The following PIGF variants were observed in gnomAD, a reference collection of about 807,000 sequenced individuals.
PIGF encodes the protein phosphatidylinositol glycan anchor biosynthesis class F, also known as GPI ethanolamine phosphate transferase, stabilizing subunit.
PIGF carries 23 observed loss-of-function variants against 26.0 expected under a neutral mutation model. The observed-to-expected ratio is 0.88, with a 90% confidence interval of 0.64 to 1.25. The LOEUF (loss-of-function observed/expected upper bound fraction) is 1.25. Ranked by LOEUF, PIGF falls within the 50% of genes most tolerant of loss-of-function variation. The pLI is 0.00. For missense variants in PIGF, 278 were observed against 249.9 expected, an observed-to-expected ratio of 1.11 and a Z score of -0.76; for synonymous variants, 93 against 92.6, an observed-to-expected ratio of 1.00 and a Z score of -0.03.
At chr2:46,601,097 T>C (rs916506465) in intron 4 of PIGF, among the ~76,000 whole-genome samples, 3 of 152,076 alleles carry the variant, frequency 2.0e-5, no homozygotes, top group Non-Finnish European at 4.4e-5. Flanking sequence ...GTAAATTCCT[T>C]TCTATTAACT....
At chr2:46,608,031 G>A (rs1269296384) in intron 4 of PIGF, among the ~76,000 whole-genome samples, 1 of 152,150 alleles carries the variant, frequency 6.6e-6, no homozygotes, top group Admixed American at 6.5e-5. Context: ...TAACCATGAA[G>A]TTGGTTGCAT....
Position 46,592,459 on chromosome 2 carries a change from A to G in PIGF, c.546+16T>C, listed in dbSNP as rs1669749920. 1 of 1,257,158 alleles carries G rather than the reference A, an allele frequency of 8.0e-7. No homozygotes were observed. The highest frequency in any genetic ancestry group is 1.5e-5 in the African/African-American group (1 of 68,166). 77.9% of individuals were successfully genotyped at this position (1,257,158 alleles called of 1,614,324 possible). On this transcript the variant is annotated intron_variant, in intron 5 of 5. Transcript: ENST00000281382. Reference sequence around the variant, plus strand: ...TACAAACATTTATTTTGTTGCTTTAAGTAACTGAAACCAACCTGCCATGGT... The same window carrying G: ...TACAAACATTTATTTTGTTGCTTTAGGTAACTGAAACCAACCTGCCATGGT...
rs1272566947 is a variant in PIGF at position 46,588,854 on chromosome 2, C to T, written c.546+3621G>A. On this transcript the variant is annotated intron_variant, in intron 5 of 5. Coordinates refer to ENST00000281382, the MANE Select transcript of PIGF (RefSeq NM_002643.4). The surrounding 1 kb of genome is among the most constrained non-coding windows in gnomAD (Gnocchi z 4.1). Reference sequence around the variant, plus strand: ...TGTATTTAAGTATCTGTTGTACTTACTTACACAGAACATATGCTATGCATA... The same window carrying T: ...TGTATTTAAGTATCTGTTGTACTTATTTACACAGAACATATGCTATGCATA... Among the ~76,000 whole-genome samples, 1 of 152,114 alleles carries T rather than the reference C, an allele frequency of 6.6e-6. No individual in the cohort carries two copies. Among genetic ancestry groups the T allele is most frequent in the Non-Finnish European group, 1.5e-5 (1 of 67,980 alleles).
chr2:46,615,124 A>C lies in PIGF; in HGVS notation c.41T>G (p.Leu14Arg). The change falls in exon 2 of 6, where the codon CTT becomes CGT. Residue 14 changes from leucine to arginine, a missense_variant. Transcript: ENST00000281382. ...NDIKRLLYTH[L>R]LCIFSIILSV... is the part of the protein sequence containing the mutation. Reference sequence around the variant, plus strand: ...TAGGATAATTGAAAATATGCATAAAAGATGGGTATACAGTAGTCTCTTGAT... The same window carrying C: ...TAGGATAATTGAAAATATGCATAAACGATGGGTATACAGTAGTCTCTTGAT... 1.3e-6 allele frequency: 2 copies of C among 1,573,120 alleles called. No homozygotes were observed. Among genetic ancestry groups the C allele is most frequent in the Non-Finnish European group, 1.8e-6 (2 of 1,142,664 alleles).
At chr2:46,609,852 T>C (rs1020763617) in intron 4 of PIGF, among the ~76,000 whole-genome samples, 3 of 152,066 alleles carry the variant, frequency 2.0e-5, no homozygotes, top group Non-Finnish European at 4.4e-5. Context: ...AGACCACAGA[T>C]CACCATAATA....
intron 3 of PIGF, 75 bp downstream of exon 3, chr2:46,613,619 T>C (rs1291310607): frequency 1.6e-5 from 17 of 1,068,682 alleles, no homozygotes; most frequent in Admixed American, 3.3e-5. Context: ...TTTTCTCTAG[T>C]TGCTAAGAAT....
chr2:46,616,840 GAA>G (rs1397619081), intron 1 of PIGF, 128 bp downstream of exon 1: 1 of 285,458 alleles, frequency 3.5e-6, no homozygotes, highest in Non-Finnish European at 6.8e-6. Flanking sequence ...GGGCACGCCG[GAA>G]GAGTGGCGCT....
At chr2:46,614,828 C>T in intron 2 of PIGF, 109 bp downstream of exon 2, 1 of 613,738 alleles carries the variant, frequency 1.6e-6, no homozygotes, top group Non-Finnish European at 2.9e-6. Flanking sequence ...TATCAGGTTC[C>T]CTTTGCTCAC....
intron 4 of PIGF, among the ~76,000 whole-genome samples, chr2:46,604,394 T>C (rs1210576724): frequency 6.6e-6 from 1 of 151,886 alleles, no homozygotes; most frequent in Admixed American, 6.6e-5. Flanking sequence ...ATTGAAGAGA[T>C]AGCTGGACTC....
At chr2:46,611,482 CAAA>C (rs71397012) in intron 4 of PIGF, among the ~76,000 whole-genome samples, 3 of 125,576 alleles carry the variant, frequency 2.4e-5, no homozygotes, top group African/African-American at 3.0e-5. Context: ...GGTTCCATCT[CAAA>C]AAAAAAAAAA....
chr2:46,609,108 T>C (rs79303659), intron 4 of PIGF, among the ~76,000 whole-genome samples: 2,191 of 152,350 alleles, frequency 0.014, 30 homozygotes, highest in Non-Finnish European at 0.022. Context: ...ATCTGTTATT[T>C]AGCCACCTTC....
At chr2:46,604,326 C>T in intron 4 of PIGF, among the ~76,000 whole-genome samples, 1 of 151,920 alleles carries the variant, frequency 6.6e-6, no homozygotes. Context: ...AACAGATCTA[C>T]CATATGATCC....
At position 46,614,964 on chromosome 2, in the gene PIGF, G is replaced by A. The variant is rs1295653188; in HGVS notation, c.201C>T (p.Ser67=). The change falls in exon 2 of 6, where the codon TCC becomes TCT. Residue 67 remains serine (S), a synonymous_variant. Coordinates refer to ENST00000281382, the MANE Select transcript of PIGF (RefSeq NM_002643.4). Reference sequence around the variant, plus strand: ...TGTGTGATAATGAACTTCTTTTAGAGGATGTATTTGGTTTCACTACTAAAT... The same window carrying A: ...TGTGTGATAATGAACTTCTTTTAGAAGATGTATTTGGTTTCACTACTAAAT... ...VLYLVVKPNT[S]SKRSSLSHKV... The A allele has an allele frequency of 1.9e-6, 3 of 1,567,606 alleles. No individual in the cohort carries two copies. Among genetic ancestry groups the A allele is most frequent in the African/African-American group, 1.3e-5 (1 of 74,092 alleles).
chr2:46,611,760 G>GT (rs1236881179), intron 4 of PIGF, among the ~76,000 whole-genome samples: 3 of 152,000 alleles, frequency 2.0e-5, no homozygotes, highest in Non-Finnish European at 4.4e-5. Context: ...TTGAGCTCTG[G>GT]TATCTTATCA....
At chr2:46,592,932 T>C (rs1277384069) in intron 4 of PIGF, among the ~76,000 whole-genome samples, 3 of 152,236 alleles carry the variant, frequency 2.0e-5, no homozygotes, top group Non-Finnish European at 4.4e-5. Context: ...AGAAATATTT[T>C]ATACAGGCAC....
At chr2:46,606,366 T>C (rs754830664) in intron 4 of PIGF, among the ~76,000 whole-genome samples, 1 of 152,190 alleles carries the variant, frequency 6.6e-6, no homozygotes, top group Non-Finnish European at 1.5e-5. Context: ...CCTGTACACA[T>C]TTTTTCACCT....
intron 3 of PIGF, among the ~76,000 whole-genome samples, chr2:46,612,850 A>G (rs1465493959): frequency 1.3e-5 from 2 of 152,164 alleles, no homozygotes; most frequent in South Asian, 2.1e-4. Flanking sequence ...AAGCTTGAGT[A>G]TTTGCATTTT....
intron 4 of PIGF, among the ~76,000 whole-genome samples, chr2:46,607,828 G>A (rs775302635): frequency 2.2e-4 from 34 of 152,188 alleles, no homozygotes; most frequent in Admixed American, 7.8e-4. Context: ...CCAAGTAGCT[G>A]GGATTACAGG....
chr2:46,603,182 CTA>C (rs1558706706), intron 4 of PIGF, among the ~76,000 whole-genome samples: 1 of 151,730 alleles, frequency 6.6e-6, no homozygotes, highest in Non-Finnish European at 1.5e-5. Flanking sequence ...ACAATGAAAA[CTA>C]TAAAACACTG....
Sources: allele counts gnomAD v4.1 joint callset (sites outside exome capture counted in the v4.1 genomes callset), GRCh38; gene constraint gnomAD v4.1.1; non-coding constraint Gnocchi (gnomAD v3.1); transcripts MANE v1.5; gene names NCBI Gene and HGNC (gene_info 2026-07-23, HGNC 2026-07-21).